The following FER1L5 variants were observed in gnomAD, a reference collection of about 807,000 sequenced individuals.
The protein encoded by FER1L5 is fer-1-like protein 5.
A neutral mutation model predicts 279.9 loss-of-function variants in FER1L5; 187 were observed. The observed-to-expected ratio is 0.67, with a 90% CI of 0.59 to 0.75. The LOEUF (loss-of-function observed/expected upper bound fraction) is 0.75. FER1L5 is among the 30% of genes least tolerant of loss of function. The pLI, the probability that FER1L5 is intolerant of heterozygous loss-of-function variation, is 0.00. For missense variants in FER1L5, 2,091 were observed against 2,594.4 expected, an observed-to-expected ratio of 0.81 and a Z score of 4.21; for synonymous variants, 921 against 989.7, an observed-to-expected ratio of 0.93 and a Z score of 1.30.
chr2:96,654,750 T>C (rs937973894), intron 9 of FER1L5: 1 of 214,160 alleles, frequency 4.7e-6, no homozygotes, highest in African/African-American at 2.3e-5. Flanking sequence ...ATACAAAAAA[T>C]TAGCGGGGTG....
chr2:96,649,485 G>A (rs909612704), intron 4 of FER1L5, 138 bp from the exon 5 acceptor site: 5 of 734,774 alleles, frequency 6.8e-6, no homozygotes, highest in African/African-American at 3.5e-5. Context: ...TGCCCATGGT[G>A]TGGCCCCATC....
At chr2:96,693,720 G>C (rs1237442261) in intron 32 of FER1L5, 33 bp downstream of exon 32, 1 of 1,541,398 alleles carries the variant, frequency 6.5e-7, no homozygotes, top group Non-Finnish European at 8.8e-7. Context: ...AGGGGAAGAG[G>C]ACCTACCTCA....
intron 4 of FER1L5, among the ~76,000 whole-genome samples, chr2:96,648,960 A>T (rs540033372): frequency 6.7e-6 from 1 of 149,092 alleles, no homozygotes; most frequent in South Asian, 2.2e-4. Flanking sequence ...GGAGTGGAAG[A>T]CCAGCCCAGG....
Position 96,671,106 on chromosome 2 carries a change from CAAAAAAAA to C in FER1L5, c.1491+874_1491+881del, listed in dbSNP as rs750341048. Among the ~76,000 whole-genome samples, 6 of 40,222 alleles carry C rather than the reference CAAAAAAAA, an allele frequency of 1.5e-4. 1 individual carries two copies. The highest frequency in any genetic ancestry group is 4.2e-4 in the Admixed American group (1 of 2,402). The allele number at this position is 40,222 out of a possible 152,430, so 26.4% of individuals were successfully genotyped here. On this transcript the variant is annotated intron_variant, in intron 18 of 52. Coordinates refer to ENST00000624922, the MANE Select transcript of FER1L5 (RefSeq NM_001293083.2). ...TGGGTGACAGAGTGAGACTCCATCT[CAAAAAAAA>C]AAAAAAAAAAAAAAGGAATCCCTGA...
At chr2:96,650,112 A>C in intron 5 of FER1L5, 68 bp from the exon 6 acceptor site, 1 of 1,216,776 alleles carries the variant, frequency 8.2e-7, no homozygotes, top group Non-Finnish European at 1.2e-6. Context: ...GAATGATGGA[A>C]TGGGGAAAAT....
intron 31 of FER1L5, 26 bp from the exon 32 acceptor site, chr2:96,693,480 T>G: frequency 1.3e-6 from 2 of 1,540,970 alleles, no homozygotes; most frequent in Non-Finnish European, 1.8e-6. Flanking sequence ...CTCAAGACAC[T>G]GCTACCTTCT....
At chr2:96,658,764 C>T (rs1017481816) in intron 9 of FER1L5, among the ~76,000 whole-genome samples, 8 of 152,008 alleles carry the variant, frequency 5.3e-5, no homozygotes, top group South Asian at 2.1e-4. Context: ...ACCTTCCTAA[C>T]GACTAACGAT....
intron 36 of FER1L5, 56 bp downstream of exon 36, chr2:96,695,960 A>T (rs2077360770): frequency 6.2e-7 from 1 of 1,606,548 alleles, no homozygotes; most frequent in Non-Finnish European, 8.5e-7. Flanking sequence ...CTGCACTGGG[A>T]GTGGGGCAGG....
Position 96,660,323 on chromosome 2 carries a change from C to G in FER1L5, c.748-18C>G, listed in dbSNP as rs2075908514. The G allele has an allele frequency of 6.4e-7, 1 of 1,551,632 alleles. No individual in the cohort carries two copies. The highest frequency in any genetic ancestry group is 2.4e-5 in the East Asian group (1 of 40,914). On this transcript the variant is annotated intron_variant, in intron 9 of 52. Coordinates refer to ENST00000624922, the MANE Select transcript of FER1L5 (RefSeq NM_001293083.2). Reference sequence around the variant, plus strand: ...CTGCAGGCCCTAACTAATCCTCACCCCACTGTTGTCTTTTCAGACAGATAT... The same window carrying G: ...CTGCAGGCCCTAACTAATCCTCACCGCACTGTTGTCTTTTCAGACAGATAT...
chr2:96,671,128 A>AAAAAAAAAAAC (rs59325881), intron 18 of FER1L5, among the ~76,000 whole-genome samples: 1 of 149,596 alleles, frequency 6.7e-6, no homozygotes, highest in Non-Finnish European at 1.5e-5. Flanking sequence ...AAAAAAAAAA[A>AAAAAAAAAAAC]GGAATCCCTG....
In FER1L5 at chr2:96,647,044, C is replaced by T. The variant is rs540073066; in HGVS notation, c.139-20C>T. The T allele has an allele frequency of 6.4e-7, 1 of 1,550,650 alleles. No individual in the cohort carries two copies. Among genetic ancestry groups the T allele is most frequent in the South Asian group, 1.2e-5 (1 of 84,024 alleles). On this transcript the variant is annotated intron_variant, in intron 2 of 52. Coordinates refer to ENST00000624922, the MANE Select transcript of FER1L5 (RefSeq NM_001293083.2). ...GGGAAGGGCAGAGGGAGGATGCTGA[C>T]CTCTCTATGCCCCCCACAGACCCTA... is the stretch of plus-strand genomic sequence containing the variant.
chr2:96,693,748 T>C, intron 32 of FER1L5, 61 bp downstream of exon 32: 1 of 1,509,740 alleles, frequency 6.6e-7, no homozygotes, highest in Non-Finnish European at 8.9e-7. Context: ...GCTGAGGGGA[T>C]TTATTTTAGA....
intron 9 of FER1L5, among the ~76,000 whole-genome samples, chr2:96,659,477 C>A (rs1573819767): frequency 3.4e-5 from 1 of 29,418 alleles, no homozygotes; most frequent in Non-Finnish European, 5.2e-5. Flanking sequence ...TTCTTTCTTT[C>A]TTTCTTTCTT....
In FER1L5 at chr2:96,704,299, CAT is replaced by C; in HGVS notation, c.5888_5889del (p.Ile1963SerfsTer14). ...TCTGGAAACGCTATCGCTTCAAACT[CAT>C]AGCCTTTATGGTCATATCGATTATA... ...IFWKRYRFKL[I>X]AFMVISIIAL... On this transcript the variant is annotated frameshift_variant, in exon 52 of 53. Transcript: ENST00000624922. LOFTEE classifies it high-confidence loss of function. 6.2e-7 allele frequency: 1 copy of C among 1,614,012 alleles called. No individual in the cohort carries two copies. Among genetic ancestry groups the C allele is most frequent in the Non-Finnish European group, 8.5e-7 (1 of 1,179,878 alleles).
At chr2:96,701,221 A>C (rs1180685981) in intron 45 of FER1L5, among the ~76,000 whole-genome samples, 2 of 152,216 alleles carry the variant, frequency 1.3e-5, no homozygotes, top group Non-Finnish European at 2.9e-5. Context: ...TAGGCACGAG[A>C]ATCGCTTGAG....
Position 96,703,517 on chromosome 2 carries a change from TC to T in FER1L5, c.5692-4del. ...TCAGCCTCCCCCTCACCCATGGTGT[TC>T]CTAGGGCAAGGTGAAGATGAGCCTG... On this transcript the variant is annotated splice_region_variant and splice_polypyrimidine_tract_variant and intron_variant, in intron 50 of 52. Transcript: ENST00000624922. 6.2e-7 allele frequency: 1 copy of T among 1,613,762 alleles called. No homozygotes were observed. The highest frequency in any genetic ancestry group is 8.5e-7 in the Non-Finnish European group (1 of 1,179,734).
rs1386267555 is a variant in FER1L5 at position 96,689,401 on chromosome 2, A to G, written c.2525+25A>G. The G allele has an allele frequency of 6.5e-7, 1 of 1,543,222 alleles. No individual in the cohort carries two copies. The highest frequency in any genetic ancestry group is 8.7e-7 in the Non-Finnish European group (1 of 1,145,076). Reference sequence around the variant, plus strand: ...GGTAAGGCCAGAGGGGGCAGGCCCCACCAGAGGGGACACTTCACCTGGGAG... The same window carrying G: ...GGTAAGGCCAGAGGGGGCAGGCCCCGCCAGAGGGGACACTTCACCTGGGAG... On this transcript the variant is annotated intron_variant, in intron 25 of 52. Transcript: ENST00000624922. This position sits in a 1 kb window ranked among gnomAD's most constrained non-coding sequence, Gnocchi z 4.6.
At chr2:96,651,440 C>CTTCT (rs766914088) in intron 6 of FER1L5, among the ~76,000 whole-genome samples, 1 of 143,594 alleles carries the variant, frequency 7.0e-6, no homozygotes, top group Non-Finnish European at 1.5e-5. Flanking sequence ...TCCTCCCTCC[C>CTTCT]TTCTTTCTTT....
At chr2:96,675,409 C>CTTTTTAA (rs2076475217) in intron 19 of FER1L5, among the ~76,000 whole-genome samples, 2 of 152,004 alleles carry the variant, frequency 1.3e-5, no homozygotes, top group Non-Finnish European at 2.9e-5. Context: ...ATTGCCCAGC[C>CTTTTTAA]TTTTTTAAAA....
Sources: allele counts gnomAD v4.1 joint callset (sites outside exome capture counted in the v4.1 genomes callset), GRCh38; gene constraint gnomAD v4.1.1; non-coding constraint Gnocchi (gnomAD v3.1); transcripts MANE v1.5; gene names NCBI Gene and HGNC (gene_info 2026-07-23, HGNC 2026-07-21).